The following USP40 variants were observed in gnomAD, a reference collection of about 807,000 sequenced individuals.
USP40 encodes the protein ubiquitin carboxyl-terminal hydrolase 40.
Under a neutral mutation model 166.2 loss-of-function variants are expected in USP40, and 143 were observed. That is an observed-to-expected ratio of 0.86 (90% CI 0.75 to 0.99). The LOEUF (loss-of-function observed/expected upper bound fraction) is 0.99. Among genes scored for constraint, USP40 ranks in the 50% least tolerant of loss-of-function variants. The pLI, the probability that USP40 is intolerant of heterozygous loss-of-function variation, is 0.00. For synonymous variants in USP40, 498 were observed against 524.0 expected (o/e 0.95, Z 0.68); for missense variants, 1,444 against 1,479.7 (o/e 0.98, Z 0.40).
At chr2:233,514,484 A>T (rs760186524) in intron 18 of USP40, among the ~76,000 whole-genome samples, 1 of 152,020 alleles carries the variant, frequency 6.6e-6, no homozygotes, top group African/African-American at 2.4e-5. Context: ...AAAAGTCAGC[A>T]TGGGAAGTGA....
At chr2:233,534,712 C>T (rs2068815387) in intron 10 of USP40, among the ~76,000 whole-genome samples, 1 of 152,086 alleles carries the variant, frequency 6.6e-6, no homozygotes, top group African/African-American at 2.4e-5. Context: ...GTTTAAGGTA[C>T]AAAAAAGTAT....
chr2:233,557,812 T>G (rs958568981), intron 4 of USP40, among the ~76,000 whole-genome samples: 2 of 151,856 alleles, frequency 1.3e-5, no homozygotes, highest in Admixed American at 6.6e-5. Flanking sequence ...GAGGAACAAA[T>G]GGAGAGTTCA....
intron 2 of USP40, 74 bp from the exon 3 acceptor site, chr2:233,562,877 C>A: frequency 8.5e-7 from 1 of 1,171,772 alleles, no homozygotes; most frequent in Non-Finnish European, 1.2e-6. Context: ...AAAGCCAAGA[C>A]CACCTTTAAG....
rs145000470 is a variant in USP40, at chr2:233,519,473, C to T, written c.2383+141G>A. ...GTTTCAAACAAAAACAAACATATGA[C>T]AAAATGTTAATATTTGTCCATTTTG... On this transcript the variant is annotated intron_variant, in intron 18 of 31. Transcript: ENST00000678225. 173 of 572,688 alleles carry T rather than the reference C, an allele frequency of 3.0e-4. No homozygotes were observed. The East Asian group carries it at 5.6e-3, about 18-fold the overall frequency. The allele number at this position is 572,688 out of a possible 1,614,324, so 35.5% of individuals were successfully genotyped here. A position where few individuals can be genotyped will look rare whatever the true frequency, so the allele number is the denominator to read the frequency against.
At chr2:233,507,597 C>T (rs1481077403) in intron 21 of USP40, among the ~76,000 whole-genome samples, 1 of 150,286 alleles carries the variant, frequency 6.7e-6, no homozygotes, top group South Asian at 2.1e-4. Context: ...GGTAATATGA[C>T]CTCACTCATA....
At chr2:233,535,621 A>C (rs1191685620) in intron 10 of USP40, among the ~76,000 whole-genome samples, 1 of 152,200 alleles carries the variant, frequency 6.6e-6, no homozygotes, top group African/African-American at 2.4e-5. Context: ...CTTCCACAGA[A>C]TCTAAAAGAC....
At position 233,510,152 on chromosome 2, in the gene USP40, T is replaced by C. The variant is rs2066706677; in HGVS notation, c.2527-17A>G. On this transcript the variant is annotated splice_polypyrimidine_tract_variant and intron_variant, in intron 20 of 31. Transcript: ENST00000678225. ...CAGGAACAACTAATAACAAGACAGATGTGTAAATGCAATTTAATCTGAATT... is the reference window on the plus strand; with the variant it reads ...CAGGAACAACTAATAACAAGACAGACGTGTAAATGCAATTTAATCTGAATT... 2 of 1,550,354 alleles carry C rather than the reference T, an allele frequency of 1.3e-6. No homozygotes were observed. Among genetic ancestry groups the C allele is most frequent in the Non-Finnish European group, 1.8e-6 (2 of 1,132,912 alleles).
intron 12 of USP40, among the ~76,000 whole-genome samples, chr2:233,528,223 T>C (rs2068208022): frequency 6.6e-6 from 1 of 152,102 alleles, no homozygotes; most frequent in South Asian, 2.1e-4. Flanking sequence ...AGGTGATCCA[T>C]TTGCCTCAGC....
chr2:233,496,432 G>GT (rs1439090859), intron 24 of USP40, among the ~76,000 whole-genome samples: 1 of 152,078 alleles, frequency 6.6e-6, no homozygotes, highest in Non-Finnish European at 1.5e-5. Context: ...TAAAAACACG[G>GT]TAAGTTTCCA....
intron 19 of USP40, chr2:233,512,022 G>A (rs1359312578): frequency 2.5e-6 from 1 of 395,556 alleles, no homozygotes; most frequent in African/African-American, 2.1e-5. Flanking sequence ...ATGCTAAATG[G>A]AAGCTATGAA....
In USP40 at chr2:233,481,235, C is replaced by T. The variant is rs750836992; in HGVS notation, c.3567G>A (p.Lys1189=). 2.4e-5 allele frequency: 39 copies of T among 1,608,168 alleles called. No individual in the cohort carries two copies. The highest frequency in any genetic ancestry group is 3.3e-5 in the Non-Finnish European group (39 of 1,177,162). ...TTCTCCCCAGGGCCCGTTGTTTCTG[C>T]TTTTCTTTTCCAGTGTCATCTCTGA... The part of the protein sequence containing the change: ...STIRDDTGKE[K]QKQRALGRRK... The change falls in exon 31 of 32, where the codon AAG becomes AAA. Residue 1189 remains lysine, a synonymous_variant. Coordinates refer to ENST00000678225, the MANE Select transcript of USP40 (RefSeq NM_001365479.2).
chr2:233,531,581 T>C (rs1484467148), intron 11 of USP40, among the ~76,000 whole-genome samples: 2 of 152,218 alleles, frequency 1.3e-5, no homozygotes, highest in Admixed American at 1.3e-4. Flanking sequence ...ATACACAATA[T>C]TTTTACCAGA....
intron 8 of USP40, 106 bp downstream of exon 8, chr2:233,548,995 T>C: frequency 8.8e-7 from 1 of 1,142,530 alleles, no homozygotes; most frequent in Non-Finnish European, 1.2e-6. Context: ...ATCAAAGTTT[T>C]CTATAGAGTG....
At chr2:233,525,358 T>G in intron 14 of USP40, 120 bp downstream of exon 14, 1 of 603,378 alleles carries the variant, frequency 1.7e-6, no homozygotes, top group East Asian at 2.7e-5. Flanking sequence ...GTGAAGATAA[T>G]CTACTTAGTT....
chr2:233,501,669 T>A (rs2066076812), intron 21 of USP40, among the ~76,000 whole-genome samples: 1 of 152,066 alleles, frequency 6.6e-6, no homozygotes, highest in Non-Finnish European at 1.5e-5. Flanking sequence ...GAATGTGAAG[T>A]AAGAAAGAGA....
In USP40 at chr2:233,506,153, T is replaced by C. The variant is rs564181494; in HGVS notation, c.2613+3896A>G. On this transcript the variant is annotated intron_variant, in intron 21 of 31. Transcript: ENST00000678225. The stretch of plus-strand genomic sequence containing the variant: ...GGGTACTGGCAAAAAGTCTGACACA[T>C]AGGCCAAAGCACCAGAATAAAGAGC... 5.3e-5 allele frequency among the ~76,000 whole-genome samples: 8 copies of C among 152,144 alleles called. No individual in the cohort carries two copies. The East Asian group carries it at 7.7e-4, about 15-fold the overall frequency.
chr2:233,559,843 G>A lies in USP40; in HGVS notation c.349C>T (p.Leu117Phe). The part of the protein sequence containing the change: ...LDQEAASTAD[L>F]TDSFGWTSNE... ...CTGGTCCACCCAAAGCTGTCAGTGA[G>A]GTCTGCTGTGGATGCAGCTTCCTGG... The change falls in exon 4 of 32, where the codon CTC (leucine) becomes TTC (phenylalanine). Residue 117 changes from leucine to phenylalanine, a missense_variant. Coordinates refer to ENST00000678225, the MANE Select transcript of USP40 (RefSeq NM_001365479.2). 1 of 1,609,918 alleles carries A rather than the reference G, an allele frequency of 6.2e-7. No individual in the cohort carries two copies. The highest frequency in any genetic ancestry group is 8.5e-7 in the Non-Finnish European group (1 of 1,178,254).
Position 233,539,142 on chromosome 2 carries a change from T to A in USP40, c.1170+1520A>T, listed in dbSNP as rs201372687. Among the ~76,000 whole-genome samples, 31 of 149,332 alleles carry A rather than the reference T, an allele frequency of 2.1e-4. No individual in the cohort carries two copies. In the East Asian group the frequency reaches 2.6e-3, roughly 12 times the overall value. The stretch of plus-strand genomic sequence containing the variant: ...AGCAAAAACTGTCAAAACTTTTTTT[T>A]AAAAAAATGAGACAAATCCACAATT... On this transcript the variant is annotated intron_variant, in intron 10 of 31. Transcript: ENST00000678225.
chr2:233,488,356 T>C, intron 27 of USP40, 52 bp from the exon 28 acceptor site: 2 of 1,486,322 alleles, frequency 1.3e-6, no homozygotes, highest in Admixed American at 4.5e-5. Flanking sequence ...TTTAATTTTC[T>C]TGAATTTTTT....
Sources: gnomAD v4.1 joint callset for allele counts (sites outside exome capture counted in the v4.1 genomes callset) on GRCh38, gnomAD v4.1.1 for gene constraint, MANE v1.5 for transcripts, NCBI Gene and HGNC (gene_info 2026-07-23, HGNC 2026-07-21) for gene names.